NOMO2: variants seen among roughly 807,000 people sequenced by gnomAD.
NOMO2 encodes the protein BOS complex subunit NOMO2.
A neutral mutation model predicts 67.1 loss-of-function variants in NOMO2; 14 were observed. That is an observed-to-expected ratio of 0.21 (90% CI 0.14 to 0.33). The LOEUF is 0.33. NOMO2 is among the 10% of genes least tolerant of loss of function. The probability of loss-of-function intolerance (pLI) is 1.00; values close to 1 mark genes in which losing one functional copy is unlikely to be tolerated. For missense variants in NOMO2, 178 were observed against 761.0 expected, an observed-to-expected ratio of 0.23 and a Z score of 9.01; for synonymous variants, 80 against 305.9, an observed-to-expected ratio of 0.26 and a Z score of 7.71.
In NOMO2 at chr16:18,531,539, C is replaced by T. The variant is rs1901300084; in HGVS notation, c.1464G>A (p.Val488=). The change falls in exon 13 of 31, where the codon GTG becomes GTA. Residue 488 remains valine, a synonymous_variant. Coordinates refer to ENST00000622306, the MANE Select transcript of NOMO2 (RefSeq NM_173614.4). ...CCACATCCATCACGGGCCTGTCGGTCACAGTAAGAGGAAATGTCTGGGGTT... is the reference window on the plus strand; with the variant it reads ...CCACATCCATCACGGGCCTGTCGGTTACAGTAAGAGGAAATGTCTGGGGTT... The part of the protein sequence containing the change: ...TLKPQTFPLT[V]TDRPVMDVAF... 1.2e-6 allele frequency: 2 copies of T among 1,605,546 alleles called. No homozygotes were observed.
chr16:18,554,894 T>C (rs1422725245), intron 2 of NOMO2, 42 bp from the exon 3 acceptor site: 1 of 410,252 alleles, frequency 2.4e-6, no homozygotes, highest in East Asian at 3.9e-5. Flanking sequence ...GAAATGAGAA[T>C]TGTGACTCTG....
chr16:18,562,070 C>G lies in NOMO2; in HGVS notation c.-30G>C. On this transcript the variant is annotated 5_prime_UTR_variant, in exon 1 of 31. Transcript: ENST00000622306. ...CGACCTCCCCCAGCTAGACCCACCG[C>G]CGGCAGCCGGGTCCCGCCCCTCACA... 1 of 1,414,052 alleles carries G rather than the reference C, an allele frequency of 7.1e-7. No individual in the cohort carries two copies. Among genetic ancestry groups the G allele is most frequent in the Non-Finnish European group, 9.2e-7 (1 of 1,089,562 alleles). 87.6% of individuals were successfully genotyped at this position (1,414,052 alleles called of 1,614,324 possible). A position where few individuals can be genotyped will look rare whatever the true frequency, so the allele number is the denominator to read the frequency against.
intron 16 of NOMO2, among the ~76,000 whole-genome samples, chr16:18,525,870 CA>C (rs1567237704): frequency 2.0e-5 from 3 of 150,352 alleles, no homozygotes; most frequent in Non-Finnish European, 4.5e-5. Context: ...CTTGAAAATA[CA>C]AGGCAAAAAA....
chr16:18,558,919 C>T (rs1400011897), intron 1 of NOMO2: 1 of 452,426 alleles, frequency 2.2e-6, no homozygotes, highest in Non-Finnish European at 4.4e-6. Flanking sequence ...TGCCTGTAAT[C>T]CCAGCACTTT....
At chr16:18,533,324 A>G (rs1333943525) in intron 11 of NOMO2, 145 bp from the exon 12 acceptor site, 1 of 843,620 alleles carries the variant, frequency 1.2e-6, no homozygotes, top group African/African-American at 1.7e-5. Flanking sequence ...TGCAGTCCAG[A>G]TGATTCTGGT....
chr16:18,538,885 ACTGC>A lies in NOMO2; in HGVS notation c.1039_1042del (p.Ala347Ter). ...TTTGATTTGGTTATTCAGGGTGACT[ACTGC>A]TTCTGGAACACCATCTCCTTCGGGT... On this transcript the variant is annotated frameshift_variant, in exon 10 of 31. Coordinates refer to ENST00000622306, the MANE Select transcript of NOMO2 (RefSeq NM_173614.4). LOFTEE classifies it high-confidence loss of function. The A allele has an allele frequency of 1.3e-6, 2 of 1,563,918 alleles. No individual in the cohort carries two copies. Among genetic ancestry groups the A allele is most frequent in the Non-Finnish European group, 1.8e-6 (2 of 1,138,912 alleles).
rs562067494 is a variant in NOMO2, at chr16:18,520,478, G to A, written c.2356+119C>T. 6.9e-3 allele frequency: 4,707 copies of A among 677,354 alleles called. 12 individuals carry two copies. Among genetic ancestry groups the A allele is most frequent in the Non-Finnish European group, 6.8e-3 (2,659 of 390,860 alleles). The allele number at this position is 677,354 out of a possible 1,614,324, so 42.0% of individuals were successfully genotyped here. A position where few individuals can be genotyped will look rare whatever the true frequency, so the allele number is the denominator to read the frequency against. ...AACAGTAACATCTGTGTGCCAGAGA[G>A]GATGTAAGGTGGCTTACAAAGATGG... On this transcript the variant is annotated intron_variant, in intron 20 of 30. Transcript: ENST00000622306.
chr16:18,527,005 T>C (rs908271787), intron 16 of NOMO2, among the ~76,000 whole-genome samples: 4 of 148,970 alleles, frequency 2.7e-5, no homozygotes, highest in African/African-American at 9.8e-5. Flanking sequence ...TCACTTTAGG[T>C]CAGGAGTTTG....
intron 6 of NOMO2, among the ~76,000 whole-genome samples, chr16:18,544,843 A>G (rs1349083085): frequency 5.3e-5 from 8 of 151,826 alleles, no homozygotes; most frequent in Non-Finnish European, 7.4e-5. Context: ...CACGCAGCAC[A>G]GGGCTTGTCA....
At position 18,547,533 on chromosome 16, in the gene NOMO2, G is replaced by C. The variant is rs546744554; in HGVS notation, c.510-233C>G. On this transcript the variant is annotated intron_variant, in intron 5 of 30. Transcript: ENST00000622306. ...GGGTGCTCCATGTGCTGATCGGAAA[G>C]AGGAGTGCTTACGTCTCCCTTAATC... 2.8e-3 allele frequency among the ~76,000 whole-genome samples: 419 copies of C among 152,144 alleles called. 7 individuals are homozygous for C. Among genetic ancestry groups the C allele is most frequent in the African/African-American group, 9.7e-3 (401 of 41,490 alleles).
intron 11 of NOMO2, among the ~76,000 whole-genome samples, chr16:18,535,583 G>A (rs1901399768): frequency 6.6e-6 from 1 of 151,766 alleles, no homozygotes; most frequent in African/African-American, 2.4e-5. Context: ...TGTTCTCCAT[G>A]TGACCTACCA....
intron 11 of NOMO2, among the ~76,000 whole-genome samples, chr16:18,536,780 T>C (rs1282276085): frequency 2.0e-5 from 3 of 152,216 alleles, no homozygotes; most frequent in African/African-American, 7.2e-5. Context: ...TTGCACAAAG[T>C]GTTTATGGAA....
rs1901014029 is a variant in NOMO2, at chr16:18,507,530, T to C, written c.3325-538A>G. ...TGCATGAGGCCCGCGGCTGCTTTGC[T>C]TTCTACCACTGGCAAGGTCGGGATC... On this transcript the variant is annotated intron_variant, in intron 28 of 30. Coordinates refer to ENST00000622306, the MANE Select transcript of NOMO2 (RefSeq NM_173614.4). Among the ~76,000 whole-genome samples, 2 of 51,622 alleles carry C rather than the reference T, an allele frequency of 3.9e-5. 1 individual carries two copies. The highest frequency in any genetic ancestry group is 7.6e-5 in the Non-Finnish European group (2 of 26,338). The allele number at this position is 51,622 out of a possible 152,430, so 33.9% of individuals were successfully genotyped here. A position where few individuals can be genotyped will look rare whatever the true frequency, so the allele number is the denominator to read the frequency against.
intron 9 of NOMO2, among the ~76,000 whole-genome samples, chr16:18,541,937 G>A (rs1287928438): frequency 1.1e-5 from 1 of 93,788 alleles, no homozygotes; most frequent in Non-Finnish European, 2.2e-5. Flanking sequence ...AATGGTGCCT[G>A]AAATGCATGT....
At chr16:18,540,081 A>G (rs1472179038) in intron 9 of NOMO2, among the ~76,000 whole-genome samples, 1 of 151,338 alleles carries the variant, frequency 6.6e-6, no homozygotes, top group Non-Finnish European at 1.5e-5. Flanking sequence ...CACAGCAGGC[A>G]CTCAATAACT....
At chr16:18,560,462 T>G (rs1902012445) in intron 1 of NOMO2, among the ~76,000 whole-genome samples, 1 of 151,740 alleles carries the variant, frequency 6.6e-6, no homozygotes, top group South Asian at 2.1e-4. Context: ...AAATGCCCTG[T>G]GCCGTCTACA....
chr16:18,533,126 T>G lies in NOMO2; in HGVS notation c.1274A>C (p.Gln425Pro), dbSNP rs747957769. The part of the protein sequence containing the change: ...SIIRFPDTVK[Q>P]MNKYKVVLSS... ...CAGGACAACTTTGTATTTATTCATC[T>G]GCTTGACGGTGTCCGGGAAGCGAAT... Residue 425 changes from glutamine (Q) to proline (P), a missense_variant, in exon 12 of 31, where the codon CAG becomes CCG. Physicochemically the swap from Gln to Pro is moderately conservative, Grantham distance 76. Coordinates refer to ENST00000622306, the MANE Select transcript of NOMO2 (RefSeq NM_173614.4). 3.7e-6 allele frequency: 6 copies of G among 1,611,380 alleles called. No individual in the cohort carries two copies. Among genetic ancestry groups the G allele is most frequent in the Non-Finnish European group, 4.2e-6 (5 of 1,179,734 alleles).
intron 15 of NOMO2, among the ~76,000 whole-genome samples, chr16:18,529,236 T>C (rs1401096277): frequency 6.6e-6 from 1 of 150,736 alleles, no homozygotes; most frequent in Admixed American, 6.6e-5. Context: ...GCCAGTGTGC[T>C]CTGCACTGTA....
In NOMO2 at chr16:18,538,669, T is replaced by G. The variant is rs1567241968; in HGVS notation, c.1077A>C (p.Thr359=). 2 of 1,613,514 alleles carry G rather than the reference T, an allele frequency of 1.2e-6. No individual in the cohort carries two copies. Among genetic ancestry groups the G allele is most frequent in the Admixed American group, 1.7e-5 (1 of 59,968 alleles). ...VTLNNQIKVK[T]KADGSFRLEN... ...CAAGGCGGAATGAGCCATCAGCTTTTGTTTTAACTGTAAAACAAAAACACA... is the reference window on the plus strand; with the variant it reads ...CAAGGCGGAATGAGCCATCAGCTTTGGTTTTAACTGTAAAACAAAAACACA... Residue 359 remains threonine, a synonymous_variant, in exon 11 of 31, where the codon ACA becomes ACC. Transcript: ENST00000622306.
Sources: gnomAD v4.1 joint callset for allele counts (sites outside exome capture counted in the v4.1 genomes callset) on GRCh38, gnomAD v4.1.1 for gene constraint, MANE v1.5 for transcripts, NCBI Gene and HGNC (gene_info 2026-07-23, HGNC 2026-07-21) for gene names.